The following SIL1 variants were observed in gnomAD, a reference collection of about 807,000 sequenced individuals.
SIL1 encodes SIL1 nucleotide exchange factor, also known as nucleotide exchange factor SIL1.
Under a neutral mutation model 49.1 loss-of-function variants are expected in SIL1, and 40 were observed. The observed-to-expected ratio is 0.81, with a 90% CI of 0.63 to 1.06. SIL1 has a LOEUF of 1.06. SIL1 is among the 50% of genes least tolerant of loss of function. The pLI is 0.00. For synonymous variants in SIL1, 253 were observed against 250.8 expected, an observed-to-expected ratio of 1.01 and a Z score of -0.08; for missense variants, 500 against 572.6, an observed-to-expected ratio of 0.87 and a Z score of 1.29.
intron 3 of SIL1, among the ~76,000 whole-genome samples, chr5:139,087,833 C>T (rs376626729): frequency 2.0e-5 from 3 of 152,262 alleles, no homozygotes; most frequent in Admixed American, 1.3e-4. Context: ...ACCAAGTTCT[C>T]AAACAATGGG....
At chr5:139,070,705 GC>G (rs1769813139) in intron 3 of SIL1, among the ~76,000 whole-genome samples, 1 of 151,960 alleles carries the variant, frequency 6.6e-6, no homozygotes, top group Non-Finnish European at 1.5e-5. Context: ...ATGAATTAAA[GC>G]CCATAAAATA....
At position 138,947,133 on chromosome 5, in the gene SIL1, A is replaced by G. The variant is rs119456967; in HGVS notation, c.1370T>C (p.Leu457Pro). Residue 457 changes from leucine (L) to proline (P), a missense_variant, in exon 10 of 10, where the codon CTG (leucine) becomes CCG (proline). By Grantham distance (98) the Leu-to-Pro change is moderately conservative. Transcript: ENST00000394817. The surrounding 1 kb of genome is among the most constrained non-coding windows in gnomAD (Gnocchi z 4.1). ...QELLGSVNSL[L>P]KELR is the part of the protein sequence containing the mutation. Reference sequence around the variant, plus strand: ...TGTGGGGCCTCATCTCAGCTCCTTCAGCAAGCTGTTGACAGAGCCCAGCAG... The same window carrying G: ...TGTGGGGCCTCATCTCAGCTCCTTCGGCAAGCTGTTGACAGAGCCCAGCAG... 3 of 1,613,348 alleles carry G rather than the reference A, an allele frequency of 1.9e-6. No individual in the cohort carries two copies. The highest frequency in any genetic ancestry group is 2.2e-5 in the South Asian group (2 of 91,002).
chr5:139,009,021 G>A (rs1238201321), intron 7 of SIL1, among the ~76,000 whole-genome samples: 1 of 150,326 alleles, frequency 6.7e-6, no homozygotes, highest in Non-Finnish European at 1.5e-5. Context: ...TATCCTTGTT[G>A]ACTTTCTGTC....
intron 2 of SIL1, among the ~76,000 whole-genome samples, chr5:139,123,621 G>T (rs1002891734): frequency 2.0e-5 from 3 of 152,188 alleles, no homozygotes; most frequent in Admixed American, 1.3e-4. Context: ...AGGACCAGGA[G>T]AAAGTTAATA....
Position 138,951,315 on chromosome 5 carries a change from GGAGCACA to G in SIL1, c.878_884del (p.Leu293ProfsTer14). The G allele has an allele frequency of 6.4e-7, 1 of 1,556,698 alleles. No individual in the cohort carries two copies. The highest frequency in any genetic ancestry group is 8.7e-7 in the Non-Finnish European group (1 of 1,149,714). On this transcript the variant is annotated frameshift_variant, in exon 9 of 10. Transcript: ENST00000394817. LOFTEE classifies it high-confidence loss of function. ...GGGCATAGGGGAAGTGGCGCAGCAG[GGAGCACA>G]GTGCAAACAGGACCTGGGGGCACAG...
At chr5:139,051,635 AG>A (rs1232450369) in intron 3 of SIL1, among the ~76,000 whole-genome samples, 1 of 152,228 alleles carries the variant, frequency 6.6e-6, no homozygotes, top group Non-Finnish European at 1.5e-5. Flanking sequence ...GGCACATAAA[AG>A]TGTGGCACTT....
chr5:139,071,666 A>G (rs1435293059), intron 3 of SIL1, among the ~76,000 whole-genome samples: 1 of 127,418 alleles, frequency 7.8e-6, no homozygotes, highest in Non-Finnish European at 1.7e-5. Flanking sequence ...TATTATTAGC[A>G]TTTTTTTTTT....
chr5:139,067,645 CT>C (rs1183504464), intron 3 of SIL1, among the ~76,000 whole-genome samples: 2 of 152,178 alleles, frequency 1.3e-5, no homozygotes, highest in Non-Finnish European at 2.9e-5. Context: ...TTAGAGAAAA[CT>C]GTAAATCACT....
rs140792595 is a variant in SIL1 at position 139,040,484 on chromosome 5, C to CTTTTTTTTTTTTTTTTTTTTT, written c.453+2135_453+2136insAAAAAAAAAAAAAAAAAAAAA. Among the ~76,000 whole-genome samples, 4 of 89,426 alleles carry CTTTTTTTTTTTTTTTTTTTTT rather than the reference C, an allele frequency of 4.5e-5. 1 individual carries two copies. Among genetic ancestry groups the CTTTTTTTTTTTTTTTTTTTTT allele is most frequent in the African/African-American group, 1.0e-4 (2 of 19,520 alleles). The allele number at this position is 89,426 out of a possible 152,430, so 58.7% of individuals were successfully genotyped here. Reference sequence around the variant, plus strand: ...TTGCAAGGGGAGAGGAGTATTTTTTCTTTTTTCTTTTTTCTTTTTTTTTTT... The same window carrying CTTTTTTTTTTTTTTTTTTTTT: ...TTGCAAGGGGAGAGGAGTATTTTTTCTTTTTTTTTTTTTTTTTTTTTTTTTTTCTTTTTTCTTTTTTTTTTT... On this transcript the variant is annotated intron_variant, in intron 5 of 9. Transcript: ENST00000394817.
intron 7 of SIL1, among the ~76,000 whole-genome samples, chr5:138,978,251 C>A (rs895429770): frequency 1.3e-5 from 2 of 151,088 alleles, no homozygotes; most frequent in African/African-American, 4.9e-5. Flanking sequence ...CTAGGCCCTA[C>A]AGATTTGAAT....
At chr5:139,166,023 C>G (rs1751610943) in intron 1 of SIL1, among the ~76,000 whole-genome samples, 2 of 152,072 alleles carry the variant, frequency 1.3e-5, no homozygotes, top group African/African-American at 4.8e-5. Context: ...TAAAACCAAG[C>G]TGTACCCCGA....
chr5:139,140,225 G>C (rs1010995714), intron 1 of SIL1, among the ~76,000 whole-genome samples: 1 of 151,330 alleles, frequency 6.6e-6, no homozygotes, highest in African/African-American at 2.4e-5. Context: ...AGCCGAGATC[G>C]AGCCACTGCC....
intron 3 of SIL1, among the ~76,000 whole-genome samples, chr5:139,056,288 A>G (rs1431903465): frequency 3.8e-5 from 5 of 131,520 alleles, no homozygotes; most frequent in African/African-American, 1.5e-4. Context: ...CCGGCCGCCC[A>G]TCGTCTGAGA....
chr5:139,146,452 G>C (rs1751198771), intron 1 of SIL1, among the ~76,000 whole-genome samples: 1 of 152,164 alleles, frequency 6.6e-6, no homozygotes, highest in Non-Finnish European at 1.5e-5. Flanking sequence ...CAGGTATTCA[G>C]GAGGCTGAGG....
At chr5:139,091,252 GA>G (rs1770336055) in intron 3 of SIL1, among the ~76,000 whole-genome samples, 1 of 151,794 alleles carries the variant, frequency 6.6e-6, no homozygotes, top group Non-Finnish European at 1.5e-5. Flanking sequence ...AAAATGCATG[GA>G]AAAATATCAT....
chr5:138,951,916 C>T (rs1766789091), intron 7 of SIL1, 32 bp from the exon 8 acceptor site: 1 of 1,576,970 alleles, frequency 6.3e-7, no homozygotes. Flanking sequence ...GCATGACTAC[C>T]CTGCCCAGCC....
chr5:139,124,338 G>T (rs1176819436), intron 2 of SIL1, among the ~76,000 whole-genome samples: 2 of 152,256 alleles, frequency 1.3e-5, no homozygotes, highest in East Asian at 3.9e-4. Context: ...TCCTAAGGAG[G>T]CCAGACTCTT....
At chr5:139,098,467 T>G (rs1770516639) in intron 3 of SIL1, among the ~76,000 whole-genome samples, 1 of 152,200 alleles carries the variant, frequency 6.6e-6, no homozygotes, top group Non-Finnish European at 1.5e-5. Flanking sequence ...TGTTTAAATC[T>G]AAGATCCCAA....
At chr5:139,075,030 T>G (rs1157457011) in intron 3 of SIL1, among the ~76,000 whole-genome samples, 1 of 152,112 alleles carries the variant, frequency 6.6e-6, no homozygotes, top group Non-Finnish European at 1.5e-5. Flanking sequence ...TCACCATGTT[T>G]GCCAGGCTGG....
Sources: gnomAD v4.1 joint callset for allele counts (sites outside exome capture counted in the v4.1 genomes callset) on GRCh38, gnomAD v4.1.1 for gene constraint, Gnocchi (gnomAD v3.1) non-coding constraint, MANE v1.5 for transcripts, NCBI Gene and HGNC (gene_info 2026-07-23, HGNC 2026-07-21) for gene names.